Variants in CDC42BPA observed in about 807,000 individuals in gnomAD.
CDC42BPA encodes CDC42 binding protein kinase alpha, also known as serine/threonine-protein kinase MRCK alpha.
In CDC42BPA, 80 loss-of-function variants were observed where a neutral mutation model predicts 223.5. That is an observed-to-expected ratio of 0.36 (90% confidence interval 0.30 to 0.43). The LOEUF is 0.43. CDC42BPA is among the 20% of genes least tolerant of loss of function. The pLI is 1.00. For missense variants in CDC42BPA, 1,743 were observed against 2,099.9 expected, an observed-to-expected ratio of 0.83 and a Z score of 3.32; for synonymous variants, 694 against 718.6, an observed-to-expected ratio of 0.97 and a Z score of 0.55.
At chr1:227,026,030 A>G (rs1393380110) in intron 31 of CDC42BPA, 25 bp downstream of exon 31, 4 of 1,296,704 alleles carry the variant, frequency 3.1e-6, no homozygotes, top group Non-Finnish European at 4.4e-6. Context: ...CAGTTGGCTT[A>G]GCCCACATTT....
Position 227,101,148 on chromosome 1 carries a change from A to G in CDC42BPA, c.2093T>C (p.Ile698Thr), listed in dbSNP as rs1423297288. The G allele has an allele frequency of 1.9e-6, 3 of 1,583,454 alleles. No individual in the cohort carries two copies. Among genetic ancestry groups the G allele is most frequent in the Middle Eastern group, 1.7e-4 (1 of 5,908 alleles). Reference sequence around the variant, plus strand: ...TTTAGATAATTCTTCTTCATAAAAGATACTTTTCTTTTCCAAATCAGTCTT... The same window carrying G: ...TTTAGATAATTCTTCTTCATAAAAGGTACTTTTCTTTTCCAAATCAGTCTT... ...KLKTDLEKKS[I>T]FYEEELSKRE... Residue 698 changes from isoleucine (I) to threonine (T), a missense_variant, in exon 15 of 37, where the codon ATC becomes ACC. Physicochemically the swap from Ile to Thr is moderately conservative, Grantham distance 89. This residue lies in a region of CDC42BPA where 464 missense variants were observed against 488.0 expected (regional missense o/e 0.95). Coordinates refer to ENST00000366766, the MANE Select transcript of CDC42BPA (RefSeq NM_001394014.1).
At position 227,029,244 on chromosome 1, in the gene CDC42BPA, A is replaced by T. The variant is rs772066475; in HGVS notation, c.3845T>A (p.Ile1282Asn). Residue 1282 changes from isoleucine to asparagine, a missense_variant, in exon 30 of 37, where the codon ATT (isoleucine) becomes AAT (asparagine). Physicochemically the swap from Ile to Asn is moderately radical, Grantham distance 149. Transcript: ENST00000366766. ...AATCTTCTTATTGTCACCAACTCTA[A>T]TAATTTCTAAACACAGAAAGAATAA... ...FVVHVTKDEIIRVGDNKKIHQ... is the reference protein window; with the variant it reads ...FVVHVTKDEINRVGDNKKIHQ... The T allele has an allele frequency of 2.6e-6, 4 of 1,550,738 alleles. No homozygotes were observed. In the South Asian group the frequency reaches 4.6e-5, roughly 18 times the overall value.
intron 5 of CDC42BPA, among the ~76,000 whole-genome samples, chr1:227,171,442 C>T (rs11807094): frequency 0.058 from 8,800 of 152,172 alleles, 845 homozygotes; most frequent in African/African-American, 0.2. Flanking sequence ...GCAACCTCAT[C>T]GCTACAAAAA....
chr1:227,310,387 G>A (rs1417745731), intron 1 of CDC42BPA, among the ~76,000 whole-genome samples: 1 of 152,190 alleles, frequency 6.6e-6, no homozygotes, highest in Non-Finnish European at 1.5e-5. Context: ...AATCCCAAAA[G>A]AGAAGCAAAC....
rs539890190 is a variant in CDC42BPA at position 227,250,412 on chromosome 1, C to T, written c.270+3652G>A. Among the ~76,000 whole-genome samples the T allele has an allele frequency of 1.7e-3, 264 of 152,020 alleles. 3 individuals carry two copies. The highest frequency in any genetic ancestry group is 5.4e-3 in the African/African-American group (224 of 41,452). On this transcript the variant is annotated intron_variant, in intron 2 of 36. Transcript: ENST00000366766. ...CTGAGGCAGGAGAATCACTTGAACCCGGGTGGCAGTGGTTGCAGTGAGCCA... is the reference window on the plus strand; with the variant it reads ...CTGAGGCAGGAGAATCACTTGAACCTGGGTGGCAGTGGTTGCAGTGAGCCA...
At chr1:227,188,853 G>A (rs1350217476) in intron 5 of CDC42BPA, among the ~76,000 whole-genome samples, 2 of 152,090 alleles carry the variant, frequency 1.3e-5, no homozygotes. Flanking sequence ...GTAAACTATG[G>A]ACTTAGGTGA....
At chr1:227,235,038 A>C (rs1036140142) in intron 2 of CDC42BPA, 3 of 152,168 alleles carry the variant, frequency 2.0e-5, no homozygotes, top group African/African-American at 7.2e-5. Flanking sequence ...TTTTACAGTA[A>C]ACCTTCAAGT....
At chr1:227,206,431 C>CATTAATTA (rs1191195472) in intron 3 of CDC42BPA, among the ~76,000 whole-genome samples, 1 of 152,088 alleles carries the variant, frequency 6.6e-6, no homozygotes, top group East Asian at 1.9e-4. Context: ...ACCCGTATAT[C>CATTAATTA]ATTAATTATA....
rs1157479648 is a variant in CDC42BPA at position 227,134,834 on chromosome 1, TA to T, written c.1390+4741del. Among the ~76,000 whole-genome samples, 12 of 151,966 alleles carry T rather than the reference TA, an allele frequency of 7.9e-5. 1 individual carries two copies. The highest frequency in any genetic ancestry group is 1.6e-4 in the Non-Finnish European group (11 of 67,982). ...AACAAATTAAAGAATTCAAAACATT[TA>T]AAAAAAACCCAAAACATAGGAAATT... is the stretch of plus-strand genomic sequence containing the variant. On this transcript the variant is annotated intron_variant, in intron 10 of 36. Coordinates refer to ENST00000366766, the MANE Select transcript of CDC42BPA (RefSeq NM_001394014.1).
At chr1:227,194,273 C>A (rs780038110) in intron 4 of CDC42BPA, among the ~76,000 whole-genome samples, 2 of 152,000 alleles carry the variant, frequency 1.3e-5, no homozygotes, top group African/African-American at 4.8e-5. Flanking sequence ...ACATTTGAAT[C>A]CACCCCCTCC....
chr1:227,036,574 C>A (rs551799030), intron 24 of CDC42BPA, among the ~76,000 whole-genome samples: 1 of 151,982 alleles, frequency 6.6e-6, no homozygotes, highest in Non-Finnish European at 1.5e-5. Flanking sequence ...GGACTACAGG[C>A]GCCCGCCACC....
chr1:227,250,637 T>C (rs1681827030), intron 2 of CDC42BPA, among the ~76,000 whole-genome samples: 1 of 151,794 alleles, frequency 6.6e-6, no homozygotes, highest in Admixed American at 6.6e-5. Context: ...TGTGTGTGTG[T>C]GTATGTGTGT....
chr1:227,202,833 G>A (rs1177194390), intron 3 of CDC42BPA, among the ~76,000 whole-genome samples: 1 of 151,742 alleles, frequency 6.6e-6, no homozygotes, highest in Non-Finnish European at 1.5e-5. Context: ...GGAAGGCTGA[G>A]GCAGAAAGAT....
intron 1 of CDC42BPA, among the ~76,000 whole-genome samples, chr1:227,255,625 G>T (rs1345517970): frequency 6.6e-6 from 1 of 152,132 alleles, no homozygotes; most frequent in Non-Finnish European, 1.5e-5. Flanking sequence ...CTGCACTCCT[G>T]CCTGGGCAAA....
intron 34 of CDC42BPA, among the ~76,000 whole-genome samples, chr1:227,011,339 A>G (rs1572230442): frequency 6.6e-6 from 1 of 152,350 alleles, no homozygotes; most frequent in East Asian, 1.9e-4. Context: ...AGACTTTCAG[A>G]GTTTAGTTCA....
intron 2 of CDC42BPA, among the ~76,000 whole-genome samples, chr1:227,243,039 G>A (rs768042914): frequency 3.9e-5 from 6 of 152,148 alleles, no homozygotes; most frequent in Admixed American, 6.5e-5. Flanking sequence ...GGATGGAGCC[G>A]GAGGCCATTA....
At chr1:227,250,149 A>G (rs1681717957) in intron 2 of CDC42BPA, among the ~76,000 whole-genome samples, 1 of 152,206 alleles carries the variant, frequency 6.6e-6, no homozygotes, top group African/African-American at 2.4e-5. Context: ...CACGTACTCC[A>G]TAAATATATA....
intron 22 of CDC42BPA, among the ~76,000 whole-genome samples, chr1:227,050,966 C>CTAA (rs1350921148): frequency 1.3e-5 from 2 of 152,206 alleles, no homozygotes; most frequent in East Asian, 3.9e-4. Context: ...TCTCTGAATG[C>CTAA]TTGAAATATT....
At chr1:227,091,417 T>C (rs1163698026) in intron 16 of CDC42BPA, among the ~76,000 whole-genome samples, 1 of 152,004 alleles carries the variant, frequency 6.6e-6, no homozygotes, top group African/African-American at 2.4e-5. Flanking sequence ...TTCAAAAGTG[T>C]GTGCACCTCC....
Sources: gnomAD v4.1 joint callset for allele counts (sites outside exome capture counted in the v4.1 genomes callset) on GRCh38, gnomAD v4.1.1 for gene constraint, gnomAD v4.1.1 regional missense constraint, MANE v1.5 for transcripts, NCBI Gene and HGNC (gene_info 2026-07-23, HGNC 2026-07-21) for gene names.